Variants in RBM19 observed in about 807,000 individuals in gnomAD.
RBM19 encodes probable RNA-binding protein 19.
RBM19 carries 94 observed loss-of-function variants against 116.8 expected under a neutral mutation model. The observed-to-expected ratio is 0.80, with a 90% CI of 0.68 to 0.95. The LOEUF is 0.95. Among genes scored for constraint, RBM19 ranks in the 40% least tolerant of loss-of-function variants. The pLI, the probability that RBM19 is intolerant of heterozygous loss-of-function variation, is 0.00. For synonymous variants in RBM19, 475 were observed against 494.1 expected (o/e 0.96, Z 0.51); for missense variants, 1,161 against 1,220.7 (o/e 0.95, Z 0.73).
chr12:113,890,484 G>A (rs1354701428), intron 21 of RBM19, among the ~76,000 whole-genome samples: 2 of 152,336 alleles, frequency 1.3e-5, no homozygotes, highest in Middle Eastern at 3.4e-3. Context: ...ACAACCGGCA[G>A]CTCGATAATA....
chr12:113,942,078 C>A lies in RBM19; in HGVS notation c.1737+246G>T, dbSNP rs79059966. ...GGAGTGAGATGTTGGGGGTGCCGAT[C>A]TGTGTGGGGGAACTGTGGGGTTGTA... On this transcript the variant is annotated intron_variant, in intron 14 of 23. Coordinates refer to ENST00000261741, the MANE Select transcript of RBM19 (RefSeq NM_016196.4). Among the ~76,000 whole-genome samples the A allele has an allele frequency of 5.6e-4, 86 of 152,236 alleles. No individual in the cohort carries two copies. In the East Asian group the frequency reaches 0.015, roughly 27 times the overall value.
chr12:113,879,192 G>A (rs1266233980), intron 21 of RBM19, among the ~76,000 whole-genome samples: 1 of 152,078 alleles, frequency 6.6e-6, no homozygotes, highest in Non-Finnish European at 1.5e-5. Context: ...GTCCACCAGG[G>A]CACAGGACAC....
At chr12:113,937,850 G>A (rs1870212687) in intron 15 of RBM19, among the ~76,000 whole-genome samples, 1 of 152,020 alleles carries the variant, frequency 6.6e-6, no homozygotes, top group South Asian at 2.1e-4. Flanking sequence ...TTACTGGGGA[G>A]CTGCAGGACA....
At chr12:113,928,048 T>C (rs1477927497) in intron 16 of RBM19, among the ~76,000 whole-genome samples, 1 of 152,192 alleles carries the variant, frequency 6.6e-6, no homozygotes, top group Non-Finnish European at 1.5e-5. Flanking sequence ...ATCCAAACCA[T>C]GATCTAAGCT....
chr12:113,828,215 T>C (rs1444130303), intron 23 of RBM19, among the ~76,000 whole-genome samples: 2 of 150,534 alleles, frequency 1.3e-5, no homozygotes, highest in Admixed American at 1.3e-4. Flanking sequence ...CAGAAATCAG[T>C]GACTAATGTT....
chr12:113,823,087 G>T lies in RBM19; in HGVS notation c.*137C>A. 1.3e-6 allele frequency: 1 copy of T among 741,844 alleles called. No individual in the cohort carries two copies. Among genetic ancestry groups the T allele is most frequent in the Non-Finnish European group, 2.1e-6 (1 of 465,328 alleles). 46.0% of individuals were successfully genotyped at this position (741,844 alleles called of 1,614,324 possible). A position where few individuals can be genotyped will look rare whatever the true frequency, so the allele number is the denominator to read the frequency against. On this transcript the variant is annotated 3_prime_UTR_variant, in exon 24 of 24. Coordinates refer to ENST00000261741, the MANE Select transcript of RBM19 (RefSeq NM_016196.4). ...GCCTTCCTCATCCCCTGTCTCCTCC[G>T]ACCTTGGACCAGTGCAGGGTGGGGC...
At position 113,940,094 on chromosome 12, in the gene RBM19, G is replaced by C. The variant is rs7299217; in HGVS notation, c.1804C>G (p.Gln602Glu). Residue 602 changes from glutamine (Q) to glutamate (E), a missense_variant, in exon 15 of 24, where the codon CAG becomes GAG. Physicochemically the swap from Gln to Glu is conservative, Grantham distance 29 (BLOSUM62 2). Transcript: ENST00000261741. The stretch of plus-strand genomic sequence containing the variant: ...AAATGGCCGAAGGTCTCCTGCAGCT[G>C]GGCCGCCAGGGTGCCTGCCGGGAGG... The part of the protein sequence containing the change: ...KNLPAGTLAA[Q>E]LQETFGHFGS... The C allele has an allele frequency of 1, 1,612,706 of 1,614,206 alleles. 805,619 individuals carry two copies. The highest frequency in any genetic ancestry group is 1 in the South Asian group (91,080 of 91,084).
intron 8 of RBM19, among the ~76,000 whole-genome samples, chr12:113,952,166 C>T (rs1056259793): frequency 2.0e-5 from 3 of 152,236 alleles, no homozygotes; most frequent in African/African-American, 7.2e-5. Flanking sequence ...AACTCAGAGC[C>T]CTGCCCACCA....
In RBM19 at chr12:113,822,538, A is replaced by C. The variant is rs1198789177; in HGVS notation, c.*686T>G. 1.3e-5 allele frequency: 2 copies of C among 152,074 alleles called. No homozygotes were observed. The highest frequency in any genetic ancestry group is 4.8e-5 in the African/African-American group (2 of 41,374). 9.4% of individuals were successfully genotyped at this position (152,074 alleles called of 1,614,324 possible). A position where few individuals can be genotyped will look rare whatever the true frequency, so the allele number is the denominator to read the frequency against. On this transcript the variant is annotated 3_prime_UTR_variant, in exon 24 of 24. Coordinates refer to ENST00000261741, the MANE Select transcript of RBM19 (RefSeq NM_016196.4). Reference sequence around the variant, plus strand: ...CTGGGAGGCTTCCCTGGGTGACTGAACCAGGGCTCGTGGTCCCAAGTGACG... The same window carrying C: ...CTGGGAGGCTTCCCTGGGTGACTGACCCAGGGCTCGTGGTCCCAAGTGACG...
intron 21 of RBM19, among the ~76,000 whole-genome samples, chr12:113,908,908 G>C (rs752972102): frequency 1.2e-4 from 19 of 152,230 alleles, no homozygotes; most frequent in Non-Finnish European, 2.5e-4. Context: ...GGCACCTGTG[G>C]ACATGACAGT....
chr12:113,915,589 C>A lies in RBM19; in HGVS notation c.2442-504G>T, dbSNP rs149905037. 4.7e-3 allele frequency among the ~76,000 whole-genome samples: 715 copies of A among 152,274 alleles called. 6 individuals are homozygous for A. The highest frequency in any genetic ancestry group is 0.016 in the African/African-American group (663 of 41,560). ...CAGTGCTACCTGGCCTGTCTCCCTG[C>A]TCTCCCAGGGAAACCTCCCACTCCA... is the stretch of plus-strand genomic sequence containing the variant. On this transcript the variant is annotated intron_variant, in intron 20 of 23. Coordinates refer to ENST00000261741, the MANE Select transcript of RBM19 (RefSeq NM_016196.4).
At chr12:113,845,386 C>T (rs1276017477) in intron 22 of RBM19, among the ~76,000 whole-genome samples, 1 of 152,184 alleles carries the variant, frequency 6.6e-6, no homozygotes, top group Non-Finnish European at 1.5e-5. Context: ...CAGGCTGTTC[C>T]CGCTTACTCT....
chr12:113,897,744 G>A (rs1043252792), intron 21 of RBM19, among the ~76,000 whole-genome samples: 1 of 152,222 alleles, frequency 6.6e-6, no homozygotes, highest in South Asian at 2.1e-4. Context: ...CACCACTCCT[G>A]CAGATTACAG....
chr12:113,829,641 C>T (rs566443432), intron 23 of RBM19, among the ~76,000 whole-genome samples: 9 of 152,200 alleles, frequency 5.9e-5, no homozygotes, highest in Admixed American at 1.3e-4. Context: ...GTGGACAGGA[C>T]GAGGTGGGAC....
At chr12:113,886,146 C>T (rs1465217806) in intron 21 of RBM19, among the ~76,000 whole-genome samples, 2 of 152,078 alleles carry the variant, frequency 1.3e-5, no homozygotes, top group Non-Finnish European at 2.9e-5. Flanking sequence ...GCTGGGATTA[C>T]AGGCGTGAGC....
intron 21 of RBM19, among the ~76,000 whole-genome samples, chr12:113,891,362 T>C (rs1442231853): frequency 6.6e-6 from 1 of 152,186 alleles, no homozygotes; most frequent in African/African-American, 2.4e-5. Context: ...AAAGCACCAA[T>C]AAGCCCCAGG....
At chr12:113,907,142 A>AT (rs5801012) in intron 21 of RBM19, among the ~76,000 whole-genome samples, 13,360 of 152,126 alleles carry the variant, frequency 0.088, 772 homozygotes, top group East Asian at 0.26. Context: ...TAAGACCCCC[A>AT]TTGTGGCATG....
At chr12:113,945,982 T>C (rs1870984676) in intron 12 of RBM19, 58 bp from the exon 13 acceptor site, 1 of 1,441,024 alleles carries the variant, frequency 6.9e-7, no homozygotes, top group Non-Finnish European at 9.7e-7. Context: ...GGGAACTCGT[T>C]CTCAGACACG....
intron 9 of RBM19, among the ~76,000 whole-genome samples, chr12:113,949,791 C>T (rs767403162): frequency 9.9e-5 from 15 of 152,196 alleles, no homozygotes; most frequent in Non-Finnish European, 1.9e-4. Flanking sequence ...AAGCCTCCTC[C>T]AATCCCTGCC....
Sources: allele counts gnomAD v4.1 joint callset (sites outside exome capture counted in the v4.1 genomes callset), GRCh38; gene constraint gnomAD v4.1.1; transcripts MANE v1.5; gene names NCBI Gene and HGNC (gene_info 2026-07-23, HGNC 2026-07-21).